Variants in CCNI observed in about 807,000 individuals in gnomAD.
CCNI encodes cyclin I.
CCNI carries 14 observed loss-of-function variants against 34.1 expected under a neutral mutation model. The ratio of observed to expected loss-of-function variants is 0.41; its 90% CI spans 0.27 to 0.64. CCNI has a LOEUF of 0.64. CCNI is among the 30% of genes least tolerant of loss of function. The pLI is 0.31. For missense variants in CCNI, 385 were observed against 440.5 expected (o/e 0.87, Z 1.13); for synonymous variants, 154 against 158.4 (o/e 0.97, Z 0.21).
chr4:77,074,434 A>G (rs1729738734), intron 1 of CCNI, among the ~76,000 whole-genome samples: 1 of 152,244 alleles, frequency 6.6e-6, no homozygotes, highest in Admixed American at 6.5e-5. Flanking sequence ...AAAAGCTAGC[A>G]GCAGATAACA....
Position 77,048,176 on chromosome 4 carries a change from G to C in CCNI, c.*43C>G. ...GATTTTGCATGTTCTCATTCCCAAA[G>C]TAGTCTACCTTAGTTTACACTCAAA... On this transcript the variant is annotated 3_prime_UTR_variant, in exon 7 of 7. Coordinates refer to ENST00000237654, the MANE Select transcript of CCNI (RefSeq NM_006835.3). The C allele has an allele frequency of 6.7e-7, 1 of 1,483,160 alleles. No homozygotes were observed. Among genetic ancestry groups the C allele is most frequent in the Non-Finnish European group, 9.3e-7 (1 of 1,080,094 alleles). The allele number at this position is 1,483,160 out of a possible 1,614,324, so 91.9% of individuals were successfully genotyped here.
chr4:77,064,585 G>GCACACACACACACACACA (rs71214329), intron 2 of CCNI: 1 of 143,034 alleles, frequency 7.0e-6, no homozygotes, highest in Non-Finnish European at 1.5e-5. Flanking sequence ...GCGCGCGCGC[G>GCACACACACACACACACA]CACACACACA....
rs4252872 is a variant in CCNI, at chr4:77,058,710, A to G, written c.115-75T>C. On this transcript the variant is annotated intron_variant, in intron 2 of 6. Transcript: ENST00000237654. ...AAGAGTATGTTTAGAATTCTCTCTCATAAAAGGTTAGGTAATACTACAAAA... is the reference window on the plus strand; with the variant it reads ...AAGAGTATGTTTAGAATTCTCTCTCGTAAAAGGTTAGGTAATACTACAAAA... The G allele has an allele frequency of 6.4e-3, 8,460 of 1,317,602 alleles. 230 individuals are homozygous for G. Among genetic ancestry groups the G allele is most frequent in the South Asian group, 0.054 (4,165 of 76,836 alleles). 81.6% of individuals were successfully genotyped at this position (1,317,602 alleles called of 1,614,324 possible).
intron 1 of CCNI, among the ~76,000 whole-genome samples, chr4:77,070,017 C>CTTTT (rs569456948): frequency 8.4e-5 from 11 of 131,604 alleles, no homozygotes; most frequent in African/African-American, 3.2e-4. Flanking sequence ...AAATCATGGG[C>CTTTT]TTTTTTTTTT....
In CCNI at chr4:77,055,955, T is replaced by C. The variant is rs1355148546; in HGVS notation, c.459+7A>G. On this transcript the variant is annotated splice_region_variant and intron_variant, in intron 5 of 6. Transcript: ENST00000237654. ...ATAAGAAACTAAAAGACTTCAGGTA[T>C]ATTTACAATATGAAGAAAATCCAAT... The C allele has an allele frequency of 6.2e-7, 1 of 1,603,660 alleles. No homozygotes were observed. The highest frequency in any genetic ancestry group is 8.5e-7 in the Non-Finnish European group (1 of 1,174,854).
At position 77,066,473 on chromosome 4, in the gene CCNI, A is replaced by C. The variant is rs548581491; in HGVS notation, c.-43-68T>G. ...GTAGCATTATATAAAGTACTAATTA[A>C]GCAACTCATAAAACAAAATAAGAAT... On this transcript the variant is annotated intron_variant, in intron 1 of 6. Transcript: ENST00000237654. The C allele has an allele frequency of 2.3e-5, 27 of 1,168,268 alleles. No homozygotes were observed. In the East Asian group the frequency reaches 6.4e-4, roughly 28 times the overall value. The allele number at this position is 1,168,268 out of a possible 1,614,324, so 72.4% of individuals were successfully genotyped here.
chr4:77,053,833 T>C (rs1438768012), intron 6 of CCNI, among the ~76,000 whole-genome samples: 2 of 152,228 alleles, frequency 1.3e-5, no homozygotes, highest in African/African-American at 4.8e-5. Context: ...TTCTGTGTCA[T>C]ATTATTCATT....
At position 77,048,403 on chromosome 4, in the gene CCNI, T is replaced by C. The variant is rs141114911; in HGVS notation, c.950A>G (p.Lys317Arg). 3.9e-5 allele frequency: 63 copies of C among 1,614,006 alleles called. No homozygotes were observed. The highest frequency in any genetic ancestry group is 5.0e-5 in the Non-Finnish European group (59 of 1,180,018). Residue 317 changes from lysine (K) to arginine (R), a missense_variant, in exon 7 of 7, where the codon AAG (lysine) becomes AGG (arginine). Physicochemically the swap from Lys to Arg is conservative, Grantham distance 26. This residue lies in a region of CCNI where 250 missense variants were observed against 248.7 expected (regional missense o/e 1.01). Coordinates refer to ENST00000237654, the MANE Select transcript of CCNI (RefSeq NM_006835.3). Reference sequence around the variant, plus strand: ...TACTTTGCGTTTAGTAGAGGTCTGCTTGCACCCACTGGCAGCTGGGAGATG... The same window carrying C: ...TACTTTGCGTTTAGTAGAGGTCTGCCTGCACCCACTGGCAGCTGGGAGATG... Reference protein sequence around the residue: ...YHHLPAASGCKQTSTKRKVEE... With the variant: ...YHHLPAASGCRQTSTKRKVEE...
chr4:77,056,843 G>A (rs1156290484), intron 3 of CCNI, among the ~76,000 whole-genome samples: 11 of 151,734 alleles, frequency 7.2e-5, no homozygotes, highest in Admixed American at 6.6e-4. Context: ...TGCCCGCCTC[G>A]GCCTCCCAAA....
intron 1 of CCNI, among the ~76,000 whole-genome samples, chr4:77,072,873 A>T (rs1276352316): frequency 6.6e-6 from 1 of 152,188 alleles, no homozygotes; most frequent in African/African-American, 2.4e-5. Flanking sequence ...TTAGCAGTAT[A>T]GGGTCATAAT....
intron 6 of CCNI, 61 bp downstream of exon 6, chr4:77,055,089 C>G (rs1256213796): frequency 8.4e-6 from 9 of 1,072,456 alleles, no homozygotes; most frequent in Non-Finnish European, 1.3e-5. Flanking sequence ...TTTGGTAACT[C>G]TATGTATTCC....
intron 1 of CCNI, among the ~76,000 whole-genome samples, chr4:77,071,747 T>C (rs1729481801): frequency 6.6e-6 from 1 of 152,136 alleles, no homozygotes. Flanking sequence ...CAATTTTAGA[T>C]GAAATGGTCC....
At chr4:77,059,865 C>T (rs546491304) in intron 2 of CCNI, among the ~76,000 whole-genome samples, 1 of 152,206 alleles carries the variant, frequency 6.6e-6, no homozygotes, top group African/African-American at 2.4e-5. Flanking sequence ...AAATTCCTAT[C>T]AAGATGAGCT....
At chr4:77,072,868 A>G (rs1004890263) in intron 1 of CCNI, among the ~76,000 whole-genome samples, 6 of 152,170 alleles carry the variant, frequency 3.9e-5, no homozygotes, top group Non-Finnish European at 8.8e-5. Context: ...AATATTTAGC[A>G]GTATAGGGTC....
chr4:77,063,344 T>TAA (rs745761323), intron 2 of CCNI, among the ~76,000 whole-genome samples: 38 of 77,236 alleles, frequency 4.9e-4, no homozygotes, highest in Non-Finnish European at 6.8e-4. Context: ...GAAAGGGAGG[T>TAA]AAAAAAAAAA....
In CCNI at chr4:77,074,271, C is replaced by T. The variant is rs556555711; in HGVS notation, c.-44+1201G>A. Among the ~76,000 whole-genome samples the T allele has an allele frequency of 1.6e-4, 25 of 152,200 alleles. No homozygotes were observed. The South Asian group carries it at 4.4e-3, about 27-fold the overall frequency. On this transcript the variant is annotated intron_variant, in intron 1 of 6. Coordinates refer to ENST00000237654, the MANE Select transcript of CCNI (RefSeq NM_006835.3). ...AACACATGCTGACTGTATTAGTCTG[C>T]CCTTCATCGGTATCAAGAAATTTCT...
intron 3 of CCNI, 50 bp downstream of exon 3, chr4:77,058,457 A>G (rs777951079): frequency 6.8e-7 from 1 of 1,471,546 alleles, no homozygotes; most frequent in Non-Finnish European, 9.3e-7. Flanking sequence ...CTAGTTTAGC[A>G]TACATACACT....
intron 6 of CCNI, among the ~76,000 whole-genome samples, chr4:77,049,874 T>C (rs1234907651): frequency 6.6e-6 from 1 of 152,180 alleles, no homozygotes; most frequent in Non-Finnish European, 1.5e-5. Context: ...TTATTACCTG[T>C]AGTAAAGTGT....
At chr4:77,051,685 A>G (rs1217518040) in intron 6 of CCNI, among the ~76,000 whole-genome samples, 1 of 152,248 alleles carries the variant, frequency 6.6e-6, no homozygotes, top group Admixed American at 6.5e-5. Context: ...GGAAGAAACA[A>G]AACAAGCACA....
Sources: gnomAD v4.1 joint callset for allele counts (sites outside exome capture counted in the v4.1 genomes callset) on GRCh38, gnomAD v4.1.1 for gene constraint, gnomAD v4.1.1 regional missense constraint, MANE v1.5 for transcripts, NCBI Gene and HGNC (gene_info 2026-07-23, HGNC 2026-07-21) for gene names.